Variants in RABEP1 observed in about 807,000 individuals in gnomAD.
RABEP1 encodes the protein rabaptin, RAB GTPase binding effector protein 1, also known as rab GTPase-binding effector protein 1.
A neutral mutation model predicts 123.4 loss-of-function variants in RABEP1; 51 were observed. The observed-to-expected ratio is 0.41, with a 90% CI of 0.33 to 0.52. RABEP1 has a LOEUF of 0.52. RABEP1 is among the 20% of genes least tolerant of loss of function. The probability of loss-of-function intolerance (pLI) is 0.16; values close to 1 mark genes in which losing one functional copy is unlikely to be tolerated. For missense variants in RABEP1, 888 were observed against 996.3 expected, an observed-to-expected ratio of 0.89 and a Z score of 1.46; for synonymous variants, 347 against 355.2, an observed-to-expected ratio of 0.98 and a Z score of 0.26.
At chr17:5,318,811 A>C (rs377652437) in intron 2 of RABEP1, among the ~76,000 whole-genome samples, 1 of 152,226 alleles carries the variant, frequency 6.6e-6, no homozygotes, top group Non-Finnish European at 1.5e-5. Flanking sequence ...ATTCCTTGAC[A>C]GTATCTTAGC....
Position 5,365,112 on chromosome 17 carries a change from A to C in RABEP1, c.1669-10A>C. ...TCTGGTTTTTCTAATTGACTTTTAA[A>C]ATGATACAGGTGAAAAAACTACAGC... On this transcript the variant is annotated splice_polypyrimidine_tract_variant and intron_variant, in intron 10 of 17. Transcript: ENST00000537505. The C allele has an allele frequency of 6.4e-7, 1 of 1,554,570 alleles. No individual in the cohort carries two copies. Among genetic ancestry groups the C allele is most frequent in the African/African-American group, 1.4e-5 (1 of 71,912 alleles).
intron 2 of RABEP1, among the ~76,000 whole-genome samples, chr17:5,323,694 C>CTAGGAATATATATATA (rs1567521952): frequency 2.2e-5 from 2 of 90,328 alleles, no homozygotes; most frequent in African/African-American, 1.2e-4. Context: ...ATATATATCT[C>CTAGGAATATATATATA]TCTCTAGGAA....
chr17:5,367,421 G>A lies in RABEP1; in HGVS notation c.1786-949G>A, dbSNP rs186142639. On this transcript the variant is annotated intron_variant, in intron 11 of 17. Coordinates refer to ENST00000537505, the MANE Select transcript of RABEP1 (RefSeq NM_004703.6). Reference sequence around the variant, plus strand: ...TGAGTAGCTGGGACTACAGGCACCCGCCACCACGCCCGGCTAATTTTTTAT... The same window carrying A: ...TGAGTAGCTGGGACTACAGGCACCCACCACCACGCCCGGCTAATTTTTTAT... Among the ~76,000 whole-genome samples the A allele has an allele frequency of 9.1e-3, 1,373 of 150,576 alleles. 17 individuals carry two copies. The highest frequency in any genetic ancestry group is 0.026 in the South Asian group (125 of 4,780).
intron 2 of RABEP1, among the ~76,000 whole-genome samples, chr17:5,310,845 T>C (rs949858330): frequency 2.7e-5 from 4 of 150,626 alleles, no homozygotes; most frequent in Non-Finnish European, 5.9e-5. Flanking sequence ...AGTCTCGCTG[T>C]GTTGTCCAGG....
intron 11 of RABEP1, among the ~76,000 whole-genome samples, chr17:5,366,730 C>A (rs1056385869): frequency 1.3e-5 from 2 of 151,788 alleles, no homozygotes; most frequent in African/African-American, 4.8e-5. Context: ...GAGCCATGCA[C>A]CTGGCCCATC....
chr17:5,351,014 T>C (rs569067454), intron 7 of RABEP1, among the ~76,000 whole-genome samples: 13 of 152,272 alleles, frequency 8.5e-5, no homozygotes, highest in Non-Finnish European at 1.9e-4. Context: ...CTTAAAACAT[T>C]ATGAGATTTT....
At position 5,349,188 on chromosome 17, in the gene RABEP1, G is replaced by A. The variant is rs186156642; in HGVS notation, c.785-1263G>A. Among the ~76,000 whole-genome samples the A allele has an allele frequency of 1.1e-4, 16 of 152,172 alleles. No individual in the cohort carries two copies. The East Asian group carries it at 2.9e-3, about 28-fold the overall frequency. Reference sequence around the variant, plus strand: ...AGTGAAGGGTTTTAGACTGGAGAGCGGTAATATTAGTTTTGCGTTTTAGAA... The same window carrying A: ...AGTGAAGGGTTTTAGACTGGAGAGCAGTAATATTAGTTTTGCGTTTTAGAA... On this transcript the variant is annotated intron_variant, in intron 6 of 17. Coordinates refer to ENST00000537505, the MANE Select transcript of RABEP1 (RefSeq NM_004703.6).
At chr17:5,379,302 T>C (rs1434092921) in intron 15 of RABEP1, among the ~76,000 whole-genome samples, 4 of 152,222 alleles carry the variant, frequency 2.6e-5, no homozygotes, top group Non-Finnish European at 5.9e-5. Flanking sequence ...CACAGTGTCA[T>C]TGCATAGGTG....
chr17:5,378,548 A>T, intron 15 of RABEP1: 1 of 369,618 alleles, frequency 2.7e-6, no homozygotes, highest in South Asian at 2.8e-5. Context: ...AAATATGTAT[A>T]AAAAACATTA....
At chr17:5,344,547 C>T (rs1050593207) in intron 5 of RABEP1, among the ~76,000 whole-genome samples, 9 of 151,462 alleles carry the variant, frequency 5.9e-5, no homozygotes, top group East Asian at 2.0e-4. Context: ...CCGAGGCGGG[C>T]GGATCACGAG....
intron 1 of RABEP1, among the ~76,000 whole-genome samples, chr17:5,293,758 T>A (rs1380686669): frequency 6.6e-6 from 1 of 152,230 alleles, no homozygotes; most frequent in Non-Finnish European, 1.5e-5. Flanking sequence ...TGGACAAACT[T>A]ATTGGTAATA....
chr17:5,378,156 A>G, intron 14 of RABEP1, 21 bp from the exon 15 acceptor site: 1 of 1,536,482 alleles, frequency 6.5e-7, no homozygotes, highest in Non-Finnish European at 9.0e-7. Context: ...ATGCTAATAC[A>G]TCTCATTTTT....
At chr17:5,319,440 C>T (rs1360319980) in intron 2 of RABEP1, among the ~76,000 whole-genome samples, 1 of 151,690 alleles carries the variant, frequency 6.6e-6, no homozygotes, top group East Asian at 2.0e-4. Context: ...AATCTCGGCT[C>T]ACTGCAACCT....
chr17:5,363,395 T>A (rs1392294660), intron 10 of RABEP1, among the ~76,000 whole-genome samples: 1 of 151,978 alleles, frequency 6.6e-6, no homozygotes, highest in African/African-American at 2.4e-5. Flanking sequence ...ATTTTTTGTA[T>A]TTTTAGTAGA....
chr17:5,360,960 CT>C (rs370931304), intron 8 of RABEP1: 31,442 of 384,336 alleles, frequency 0.082, no homozygotes, highest in South Asian at 0.11. Context: ...GCTTACTTAT[CT>C]TTTTTTTTTT....
intron 8 of RABEP1, among the ~76,000 whole-genome samples, chr17:5,357,497 G>T (rs1012835463): frequency 6.6e-6 from 1 of 151,960 alleles, no homozygotes; most frequent in African/African-American, 2.4e-5. Context: ...TCAGCCTCCC[G>T]AGTAGCTGGG....
intron 2 of RABEP1, among the ~76,000 whole-genome samples, chr17:5,318,799 A>C (rs1275283430): frequency 2.6e-5 from 4 of 152,226 alleles, no homozygotes; most frequent in Non-Finnish European, 5.9e-5. Flanking sequence ...CATAGATGCA[A>C]GATTCCTTGA....
At chr17:5,367,906 C>T (rs1910202750) in intron 11 of RABEP1, among the ~76,000 whole-genome samples, 1 of 151,052 alleles carries the variant, frequency 6.6e-6, no homozygotes, top group African/African-American at 2.4e-5. Context: ...AGGTGCCCGC[C>T]ACCACACCCA....
chr17:5,337,622 G>A (rs1287745320), intron 4 of RABEP1, among the ~76,000 whole-genome samples: 1 of 152,212 alleles, frequency 6.6e-6, no homozygotes, highest in Non-Finnish European at 1.5e-5. Context: ...GAACCTGGGA[G>A]GTGGAGCTTG....
Sources: gnomAD v4.1 joint callset for allele counts (sites outside exome capture counted in the v4.1 genomes callset) on GRCh38, gnomAD v4.1.1 for gene constraint, MANE v1.5 for transcripts, NCBI Gene and HGNC (gene_info 2026-07-23, HGNC 2026-07-21) for gene names.